TXNDC16: variants seen among roughly 807,000 people sequenced by gnomAD.
TXNDC16 encodes the protein thioredoxin domain containing 16.
TXNDC16 carries 74 observed loss-of-function variants against 85.6 expected under a neutral mutation model. That is an observed-to-expected ratio of 0.86 (90% CI 0.72 to 1.05). TXNDC16 has a LOEUF of 1.05. Among genes scored for constraint, TXNDC16 ranks in the 50% least tolerant of loss-of-function variants. The probability of loss-of-function intolerance (pLI) is 0.00; values close to 1 mark genes in which losing one functional copy is unlikely to be tolerated. For missense variants in TXNDC16, 959 were observed against 947.0 expected (o/e 1.01, Z -0.17); for synonymous variants, 335 against 326.5 (o/e 1.03, Z -0.28).
At chr14:52,453,651 G>T (rs900476279) in intron 18 of TXNDC16, among the ~76,000 whole-genome samples, 4 of 152,160 alleles carry the variant, frequency 2.6e-5, no homozygotes, top group Admixed American at 2.6e-4. Context: ...CATGGAGATA[G>T]AGAAAAGGAT....
intron 14 of TXNDC16, among the ~76,000 whole-genome samples, chr14:52,475,307 AAG>A (rs1378765090): frequency 1.3e-5 from 2 of 152,122 alleles, no homozygotes; most frequent in Non-Finnish European, 2.9e-5. Context: ...GAACCAATCG[AAG>A]AGTCTCCTGG....
chr14:52,551,475 GAA>G (rs11380216), intron 1 of TXNDC16, among the ~76,000 whole-genome samples: 259 of 132,290 alleles, frequency 2.0e-3, no homozygotes, highest in African/African-American at 6.0e-3. Flanking sequence ...TGAAAAAAAG[GAA>G]AAAAAAAAAA....
intron 9 of TXNDC16, among the ~76,000 whole-genome samples, chr14:52,507,918 G>C (rs1480439059): frequency 6.6e-6 from 1 of 152,148 alleles, no homozygotes; most frequent in Non-Finnish European, 1.5e-5. Context: ...ATTAATTCAA[G>C]ATGGATTAAA....
chr14:52,507,707 A>G (rs924633809), intron 9 of TXNDC16, among the ~76,000 whole-genome samples: 1 of 152,360 alleles, frequency 6.6e-6, no homozygotes, highest in East Asian at 1.9e-4. Context: ...TACTGGTACC[A>G]AAACAGAGAT....
At chr14:52,525,487 T>C (rs1449159134) in intron 6 of TXNDC16, among the ~76,000 whole-genome samples, 1 of 146,846 alleles carries the variant, frequency 6.8e-6, no homozygotes, top group African/African-American at 2.5e-5. Flanking sequence ...GTCAGGAATT[T>C]GAGAACAGCC....
At chr14:52,540,039 T>C (rs1288461562) in intron 4 of TXNDC16, among the ~76,000 whole-genome samples, 1 of 152,168 alleles carries the variant, frequency 6.6e-6, no homozygotes, top group East Asian at 1.9e-4. Context: ...AAAGGCACTA[T>C]TTCCGAATTC....
At chr14:52,499,015 C>T (rs1303990855) in intron 9 of TXNDC16, among the ~76,000 whole-genome samples, 8 of 152,174 alleles carry the variant, frequency 5.3e-5, no homozygotes, top group Admixed American at 2.0e-4. Context: ...ACAAATAAAC[C>T]TTCATGTATA....
chr14:52,465,156 G>A (rs958453563), intron 16 of TXNDC16, among the ~76,000 whole-genome samples: 1 of 152,128 alleles, frequency 6.6e-6, no homozygotes, highest in Non-Finnish European at 1.5e-5. Context: ...TCTACTATGT[G>A]CAAACATAAT....
chr14:52,482,191 A>G, intron 14 of TXNDC16, 39 bp downstream of exon 14: 1 of 1,531,616 alleles, frequency 6.5e-7, no homozygotes, highest in Non-Finnish European at 8.8e-7. Flanking sequence ...GCTACAGCTT[A>G]GAATCAGAAT....
chr14:52,437,847 T>C (rs183166512), intron 20 of TXNDC16, among the ~76,000 whole-genome samples: 1 of 152,190 alleles, frequency 6.6e-6, no homozygotes, highest in East Asian at 1.9e-4. Flanking sequence ...GAAAAGCAAA[T>C]CAAACCTACA....
chr14:52,513,899 C>T (rs917126668), intron 8 of TXNDC16, among the ~76,000 whole-genome samples: 2 of 152,018 alleles, frequency 1.3e-5, no homozygotes, highest in Admixed American at 1.3e-4. Flanking sequence ...CATGCAATCA[C>T]TGTGGTATGG....
chr14:52,543,073 A>T (rs1594768140), intron 3 of TXNDC16, among the ~76,000 whole-genome samples: 1 of 152,204 alleles, frequency 6.6e-6, no homozygotes, highest in South Asian at 2.1e-4. Flanking sequence ...ATTCTTTCAG[A>T]TGTTATGTTA....
chr14:52,513,545 AGAT>A, intron 8 of TXNDC16, among the ~76,000 whole-genome samples: 1 of 152,114 alleles, frequency 6.6e-6, no homozygotes, highest in East Asian at 1.9e-4. Context: ...CAGGATAAGA[AGAT>A]AACTGTGCAT....
rs376818416 is a variant in TXNDC16, at chr14:52,542,044, T to C, written c.243+327A>G. Among the ~76,000 whole-genome samples, 23 of 152,280 alleles carry C rather than the reference T, an allele frequency of 1.5e-4. No homozygotes were observed. The East Asian group carries it at 1.7e-3, about 11-fold the overall frequency. ...ACAGCTGAATTGTGGCTACCTATTA[T>C]GAAATATTCATTAGGCAAAACAAAA... On this transcript the variant is annotated intron_variant, in intron 4 of 20. Transcript: ENST00000281741.
At chr14:52,498,288 T>A in intron 9 of TXNDC16, among the ~76,000 whole-genome samples, 1 of 152,006 alleles carries the variant, frequency 6.6e-6, no homozygotes, top group East Asian at 1.9e-4. Flanking sequence ...GAACTGAAAG[T>A]CCTAGCCACA....
At chr14:52,456,723 G>A (rs141047141) in intron 17 of TXNDC16, among the ~76,000 whole-genome samples, 9 of 152,082 alleles carry the variant, frequency 5.9e-5, no homozygotes, top group Admixed American at 4.6e-4. Flanking sequence ...ATACACACAC[G>A]TACCCACTCA....
chr14:52,531,250 G>A (rs1360047808), intron 6 of TXNDC16, among the ~76,000 whole-genome samples: 1 of 152,084 alleles, frequency 6.6e-6, no homozygotes, highest in Non-Finnish European at 1.5e-5. Flanking sequence ...CACTTTGGAA[G>A]GCAGCTAGCA....
At chr14:52,537,523 A>G (rs1315182995) in intron 5 of TXNDC16, 76 bp downstream of exon 5, 11 of 1,081,780 alleles carry the variant, frequency 1.0e-5, no homozygotes, top group Middle Eastern at 2.0e-4. Flanking sequence ...ATTCTAGCTC[A>G]GTGATATTTT....
intron 20 of TXNDC16, 99 bp downstream of exon 20, chr14:52,439,105 T>C (rs912805829): frequency 2.4e-6 from 3 of 1,269,070 alleles, no homozygotes; most frequent in African/African-American, 1.5e-5. Context: ...CTACCAGCAT[T>C]TTAATAACTC....
Sources: allele counts gnomAD v4.1 joint callset (sites outside exome capture counted in the v4.1 genomes callset), GRCh38; gene constraint gnomAD v4.1.1; transcripts MANE v1.5; gene names NCBI Gene and HGNC (gene_info 2026-07-23, HGNC 2026-07-21).